RAVER2: variants seen among roughly 807,000 people sequenced by gnomAD.
The protein encoded by RAVER2 is ribonucleoprotein PTB-binding 2.
Under a neutral mutation model 78.1 loss-of-function variants are expected in RAVER2, and 46 were observed. The observed-to-expected ratio is 0.59, with a 90% confidence interval of 0.46 to 0.75. The LOEUF (loss-of-function observed/expected upper bound fraction) is 0.75. RAVER2 is among the 30% of genes least tolerant of loss of function. RAVER2 has a pLI of 0.00. For missense variants in RAVER2, 793 were observed against 837.5 expected, an observed-to-expected ratio of 0.95 and a Z score of 0.66; for synonymous variants, 311 against 313.3, an observed-to-expected ratio of 0.99 and a Z score of 0.08.
At chr1:64,798,057 A>C in intron 5 of RAVER2, among the ~76,000 whole-genome samples, 1 of 138,380 alleles carries the variant, frequency 7.2e-6, no homozygotes, top group African/African-American at 2.7e-5. Context: ...ATATCTCCCA[A>C]TGCTATCCCT....
chr1:64,763,933 C>CAT (rs1274048165), intron 1 of RAVER2, among the ~76,000 whole-genome samples: 1 of 149,906 alleles, frequency 6.7e-6, no homozygotes, highest in Non-Finnish European at 1.5e-5. Context: ...CACACACACA[C>CAT]ACACACACAC....
At chr1:64,832,600 T>TTTAA (rs1203390360) in exon 12 of RAVER2, 2 of 152,170 alleles carry the variant, frequency 1.3e-5, no homozygotes, top group South Asian at 2.1e-4. Flanking sequence ...GATATCCTGT[T>TTTAA]TTAATTATGA....
intron 5 of RAVER2, among the ~76,000 whole-genome samples, chr1:64,796,837 T>C (rs2100862621): frequency 6.6e-6 from 1 of 152,274 alleles, no homozygotes; most frequent in South Asian, 2.1e-4. Flanking sequence ...AAAGTAAAAC[T>C]AGATTATTCA....
At chr1:64,820,293 T>C (rs1300052164) in intron 11 of RAVER2, among the ~76,000 whole-genome samples, 1 of 152,054 alleles carries the variant, frequency 6.6e-6, no homozygotes, top group East Asian at 1.9e-4. Flanking sequence ...CAAAAACAAC[T>C]AGGTCTAATA....
At chr1:64,813,379 C>A (rs1653673340) in intron 10 of RAVER2, among the ~76,000 whole-genome samples, 1 of 152,056 alleles carries the variant, frequency 6.6e-6, no homozygotes, top group African/African-American at 2.4e-5. Flanking sequence ...AAATTGAATA[C>A]TGTGCAACTT....
chr1:64,759,074 T>C (rs1213700319), intron 1 of RAVER2, among the ~76,000 whole-genome samples: 1 of 151,848 alleles, frequency 6.6e-6, no homozygotes, highest in Admixed American at 6.5e-5. Flanking sequence ...TATAGTTAGA[T>C]ATGTAATGTT....
At chr1:64,779,669 T>G (rs940706056) in intron 3 of RAVER2, among the ~76,000 whole-genome samples, 1 of 151,988 alleles carries the variant, frequency 6.6e-6, no homozygotes, top group Non-Finnish European at 1.5e-5. Flanking sequence ...GATATGTTCT[T>G]CTTGAATACT....
intron 1 of RAVER2, among the ~76,000 whole-genome samples, chr1:64,751,467 A>G (rs934070765): frequency 6.6e-6 from 1 of 152,076 alleles, no homozygotes; most frequent in Non-Finnish European, 1.5e-5. Context: ...AATGAAGTCA[A>G]CTCTGATCAA....
chr1:64,766,500 G>A (rs1426462937), intron 1 of RAVER2, among the ~76,000 whole-genome samples: 1 of 151,812 alleles, frequency 6.6e-6, no homozygotes, highest in African/African-American at 2.4e-5. Flanking sequence ...GTAAGGTTTC[G>A]CAGTTGGCAA....
Position 64,745,267 on chromosome 1 carries a change from G to T in RAVER2, c.95G>T (p.Gly32Val), listed in dbSNP as rs1468040336. The change falls in exon 1 of 12, where the codon GGC becomes GTC. Residue 32 changes from glycine to valine, a missense_variant. Coordinates refer to ENST00000294428, the Ensembl canonical transcript of RAVER2. The surrounding 1 kb of genome is among the most constrained non-coding windows in gnomAD (Gnocchi z 4.3). ...CCGGGGCCGGGGCTGCGCGGGCAGGGCCCCTCAGCCGAAGCGCACGAGGGC... is the reference window on the plus strand; with the variant it reads ...CCGGGGCCGGGGCTGCGCGGGCAGGTCCCCTCAGCCGAAGCGCACGAGGGC... 1.5e-5 allele frequency: 20 copies of T among 1,341,242 alleles called. No individual in the cohort carries two copies. The highest frequency in any genetic ancestry group is 1.8e-5 in the Non-Finnish European group (19 of 1,039,464). The allele number at this position is 1,341,242 out of a possible 1,614,324, so 83.1% of individuals were successfully genotyped here. A position where few individuals can be genotyped will look rare whatever the true frequency, so the allele number is the denominator to read the frequency against.
At chr1:64,749,567 T>C (rs1651640331) in intron 1 of RAVER2, among the ~76,000 whole-genome samples, 1 of 152,248 alleles carries the variant, frequency 6.6e-6, no homozygotes, top group Admixed American at 6.5e-5. Context: ...CCCAAGTACC[T>C]CATGCCACTG....
chr1:64,795,890 A>G (rs1336912317), intron 5 of RAVER2, among the ~76,000 whole-genome samples: 1 of 151,958 alleles, frequency 6.6e-6, no homozygotes, highest in Non-Finnish European at 1.5e-5. Context: ...TGGAGAAAGT[A>G]TTCATTCTTT....
At chr1:64,794,181 C>T (rs1350078220) in intron 5 of RAVER2, among the ~76,000 whole-genome samples, 2 of 152,050 alleles carry the variant, frequency 1.3e-5, no homozygotes, top group African/African-American at 2.4e-5. Context: ...GAGGTCGAGG[C>T]GAGCGGATCA....
chr1:64,783,793 C>T (rs975333520), intron 4 of RAVER2, among the ~76,000 whole-genome samples: 2 of 152,154 alleles, frequency 1.3e-5, no homozygotes, highest in African/African-American at 4.8e-5. Context: ...GACTAAAACA[C>T]CAAAAGCAAT....
chr1:64,772,561 A>G (rs559481550), intron 2 of RAVER2, among the ~76,000 whole-genome samples: 1 of 152,226 alleles, frequency 6.6e-6, no homozygotes, highest in Non-Finnish European at 1.5e-5. Context: ...AATGTTCAAG[A>G]TAGAGAGGTA....
At chr1:64,812,795 A>G (rs1653652805) in exon 10 of RAVER2, 1 of 1,612,094 alleles carries the variant, frequency 6.2e-7, no homozygotes, top group Non-Finnish European at 8.5e-7. Context: ...AATTCGGCTC[A>G]GTAAAAATCC....
intron 10 of RAVER2, among the ~76,000 whole-genome samples, chr1:64,813,059 G>A (rs9633415): frequency 0.2 from 29,987 of 152,056 alleles, 3,172 homozygotes; most frequent in East Asian, 0.28. Context: ...CTCATAGAGA[G>A]TCATTTTTCT....
At position 64,745,644 on chromosome 1, in the gene RAVER2, C is replaced by T. The variant is rs1174578000; in HGVS notation, c.249+223C>T. On this transcript the variant is annotated intron_variant, in intron 1 of 11. Coordinates refer to ENST00000294428, the Ensembl canonical transcript of RAVER2. The surrounding 1 kb of genome is among the most constrained non-coding windows in gnomAD (Gnocchi z 4.3). ...GAAACTGAGGCTCTGAGTGGCGAAG[C>T]GGCTTCTCCAAGGTCACGGGAATCA... Among the ~76,000 whole-genome samples the T allele has an allele frequency of 6.6e-6, 1 of 152,106 alleles. No homozygotes were observed. The highest frequency in any genetic ancestry group is 1.5e-5 in the Non-Finnish European group (1 of 68,008).
In RAVER2 at chr1:64,796,138, TAGTC is replaced by T. The variant is rs368640760; in HGVS notation, c.1105+6626_1105+6629del. ...TTTTATTCTTAGGGTAAACCTCACT[TAGTC>T]ATGTTATATTATAATCTTTTTTATA... is the stretch of plus-strand genomic sequence containing the variant. On this transcript the variant is annotated intron_variant, in intron 5 of 11. Transcript: ENST00000294428. 1.3e-3 allele frequency among the ~76,000 whole-genome samples: 191 copies of T among 152,110 alleles called. 1 individual carries two copies. The highest frequency in any genetic ancestry group is 4.4e-3 in the African/African-American group (184 of 41,562).
Sources: gnomAD v4.1 joint callset for allele counts (sites outside exome capture counted in the v4.1 genomes callset) on GRCh38, gnomAD v4.1.1 for gene constraint, Gnocchi (gnomAD v3.1) non-coding constraint, MANE v1.5 for transcripts, NCBI Gene and HGNC (gene_info 2026-07-23, HGNC 2026-07-21) for gene names.